The following COG6 variants were observed in gnomAD, a reference collection of about 807,000 sequenced individuals.
COG6 encodes the protein conserved oligomeric Golgi complex subunit 6.
COG6 carries 74 observed loss-of-function variants against 88.8 expected under a neutral mutation model. The ratio of observed to expected loss-of-function variants is 0.83; its 90% CI spans 0.69 to 1.01. COG6 has a LOEUF of 1.01. COG6 is among the 50% of genes least tolerant of loss of function. The pLI, the probability that COG6 is intolerant of heterozygous loss-of-function variation, is 0.00. For synonymous variants in COG6, 286 were observed against 278.7 expected (o/e 1.03, Z -0.26); for missense variants, 800 against 797.9 (o/e 1.00, Z -0.03).
chr13:39,766,276 T>C (rs973248352), intron 18 of COG6, among the ~76,000 whole-genome samples: 1 of 152,192 alleles, frequency 6.6e-6, no homozygotes, highest in African/African-American at 2.4e-5. Context: ...ACTTGGCAAC[T>C]TGAAAGGAAA....
chr13:39,730,962 C>T (rs1219419970), intron 18 of COG6, among the ~76,000 whole-genome samples: 1 of 151,476 alleles, frequency 6.6e-6, no homozygotes, highest in East Asian at 2.0e-4. Context: ...GTTGGGACTA[C>T]AGGTGCATGC....
chr13:39,727,343 A>G, intron 17 of COG6, 126 bp from the exon 18 acceptor site: 3 of 750,832 alleles, frequency 4.0e-6, no homozygotes, highest in South Asian at 1.5e-5. Context: ...TTTGAACACA[A>G]CAATCTAGTT....
intron 8 of COG6, among the ~76,000 whole-genome samples, chr13:39,686,121 T>G (rs913950352): frequency 6.6e-6 from 1 of 152,220 alleles, no homozygotes; most frequent in African/African-American, 2.4e-5. Context: ...GCCTAAGATA[T>G]TAATTATTTT....
At chr13:39,790,403 T>C (rs1881904221) in exon 19 of COG6, 1 of 152,168 alleles carries the variant, frequency 6.6e-6, no homozygotes, top group East Asian at 1.9e-4. Context: ...CTTATTATTA[T>C]TTCTGGCTTT....
At chr13:39,665,762 G>A (rs1017226601) in intron 4 of COG6, among the ~76,000 whole-genome samples, 1 of 152,196 alleles carries the variant, frequency 6.6e-6, no homozygotes, top group Non-Finnish European at 1.5e-5. Context: ...CAGTATACTT[G>A]TCTCCTGCTC....
downstream of COG6, among the ~76,000 whole-genome samples, chr13:39,757,506 A>G (rs567221146): frequency 6.6e-6 from 1 of 152,126 alleles, no homozygotes; most frequent in Non-Finnish European, 1.5e-5. Context: ...TAGAAGATTA[A>G]TAAAACCAAA....
chr13:39,787,101 C>T (rs117939699), intron 18 of COG6, among the ~76,000 whole-genome samples: 9 of 152,174 alleles, frequency 5.9e-5, no homozygotes, highest in Non-Finnish European at 1.2e-4. Context: ...AAATGTCCCT[C>T]TTCATTGTGA....
rs1398212269 is a variant in COG6 at position 39,687,576 on chromosome 13, G to C, written c.862G>C (p.Gly288Arg). 1.2e-6 allele frequency: 2 copies of C among 1,613,664 alleles called. No individual in the cohort carries two copies. Among genetic ancestry groups the C allele is most frequent in the African/African-American group, 1.3e-5 (1 of 74,882 alleles). ...TGGATTTATTGATGCGCTCACAAGA[G>C]GGGGCCCCGGAGGTACACCTAGACC... is the stretch of plus-strand genomic sequence containing the variant. The part of the protein sequence containing the change: ...VRGFIDALTR[G>R]GPGGTPRPIE... Residue 288 changes from glycine (G) to arginine (R), a missense_variant, in exon 9 of 19, where the codon GGG (glycine) becomes CGG (arginine). Gly to Arg is a moderately radical substitution (Grantham distance 125). Coordinates refer to ENST00000455146, the MANE Select transcript of COG6 (RefSeq NM_020751.3).
Position 39,752,513 on chromosome 13 carries a change from A to G in COG6, c.*1420A>G, listed in dbSNP as rs572472469. On this transcript the variant is annotated 3_prime_UTR_variant, in exon 19 of 19. Transcript: ENST00000455146. ...AAATCAAGAGCTTAAATTGTATATA[A>G]TTTATTTCTACAGAGAAAGAAGATT... 12 of 1,178,278 alleles carry G rather than the reference A, an allele frequency of 1.0e-5. No individual in the cohort carries two copies. The African/African-American group carries it at 1.1e-4, about 11-fold the overall frequency. 73.0% of individuals were successfully genotyped at this position (1,178,278 alleles called of 1,614,324 possible).
intron 18 of COG6, among the ~76,000 whole-genome samples, chr13:39,768,006 T>C (rs1271643801): frequency 6.6e-6 from 1 of 152,170 alleles, no homozygotes; most frequent in African/African-American, 2.4e-5. Context: ...GGTTTCCACA[T>C]GCTGTCCATT....
intron 18 of COG6, among the ~76,000 whole-genome samples, chr13:39,732,051 G>T (rs1879480435): frequency 1.3e-5 from 2 of 152,140 alleles, no homozygotes; most frequent in African/African-American, 4.8e-5. Context: ...CAGGCCTTCA[G>T]CTGATTGGAT....
chr13:39,723,547 C>T lies in COG6; in HGVS notation c.1692+107C>T, dbSNP rs7985075. 0.66 allele frequency: 469,970 copies of T among 709,658 alleles called. 157,239 individuals are homozygous for T. The highest frequency in any genetic ancestry group is 0.78 in the African/African-American group (44,386 of 56,604). The allele number at this position is 709,658 out of a possible 1,614,324, so 44.0% of individuals were successfully genotyped here. ...GGCTCTACCACATATTAGCTGTGTT[C>T]TCCTGGGAAAGTGACTTATTTTTCT... On this transcript the variant is annotated intron_variant, in intron 16 of 18. Transcript: ENST00000455146.
chr13:39,656,281 G>A (rs1475810485), intron 1 of COG6: 2 of 444,546 alleles, frequency 4.5e-6, no homozygotes, highest in Non-Finnish European at 9.0e-6. Flanking sequence ...ATAAGGTAGC[G>A]CAAATGGGGG....
At chr13:39,695,718 C>G (rs993171206) in intron 12 of COG6, among the ~76,000 whole-genome samples, 1 of 151,710 alleles carries the variant, frequency 6.6e-6, no homozygotes, top group Non-Finnish European at 1.5e-5. Flanking sequence ...GATTTTCAAA[C>G]AAAACTAACA....
At chr13:39,710,473 G>A (rs1178292565) in intron 13 of COG6, among the ~76,000 whole-genome samples, 2 of 152,048 alleles carry the variant, frequency 1.3e-5, no homozygotes, top group African/African-American at 4.8e-5. Flanking sequence ...GTATGGAGGA[G>A]CAAATTTGGA....
intron 18 of COG6, among the ~76,000 whole-genome samples, chr13:39,735,584 A>G (rs1402895808): frequency 6.6e-6 from 1 of 152,092 alleles, no homozygotes; most frequent in Non-Finnish European, 1.5e-5. Context: ...CTGTGTACCT[A>G]GTATTACCAG....
chr13:39,665,893 G>A (rs528226930), intron 4 of COG6, among the ~76,000 whole-genome samples: 20 of 152,338 alleles, frequency 1.3e-4, no homozygotes, highest in African/African-American at 4.6e-4. Flanking sequence ...ATAGACCACA[G>A]GTTATCAAAC....
In COG6 at chr13:39,659,371, T is replaced by G; in HGVS notation, c.161T>G (p.Leu54Ter). 6.2e-7 allele frequency: 1 copy of G among 1,613,648 alleles called. No homozygotes were observed. Among genetic ancestry groups the G allele is most frequent in the Non-Finnish European group, 8.5e-7 (1 of 1,179,760 alleles). The change falls in exon 2 of 19, where the codon TTA (leucine) becomes TGA (stop). Residue 54 changes from leucine to a stop codon, truncating the protein, a stop_gained. Transcript: ENST00000455146. LOFTEE classifies it high-confidence loss of function. Reference protein sequence around the residue: ...ETRLDNDKEMLEALKALSTFF... With the variant: ...ETRLDNDKEM ...CTGTTACCAATTGTATAGGAGATGT[T>G]AGAAGCTCTCAAGGCACTTTCAACC...
chr13:39,776,000 C>T (rs897242069), intron 18 of COG6, among the ~76,000 whole-genome samples: 2 of 152,214 alleles, frequency 1.3e-5, no homozygotes, highest in African/African-American at 4.8e-5. Flanking sequence ...AACTCCCCAC[C>T]TCAGGTGATC....
Sources: gnomAD v4.1 joint callset for allele counts (sites outside exome capture counted in the v4.1 genomes callset) on GRCh38, gnomAD v4.1.1 for gene constraint, MANE v1.5 for transcripts, NCBI Gene and HGNC (gene_info 2026-07-23, HGNC 2026-07-21) for gene names.